SYTL2: variants seen among roughly 807,000 people sequenced by gnomAD.
SYTL2 encodes synaptotagmin-like protein 2.
Under a neutral mutation model 198.7 loss-of-function variants are expected in SYTL2, and 165 were observed. The observed-to-expected ratio is 0.83, with a 90% CI of 0.73 to 0.94. SYTL2 has a LOEUF of 0.94. Among genes scored for constraint, SYTL2 ranks in the 40% least tolerant of loss-of-function variants. The pLI is 0.00. For missense variants in SYTL2, 2,835 were observed against 2,582.8 expected, an observed-to-expected ratio of 1.10 and a Z score of -2.12; for synonymous variants, 966 against 917.7, an observed-to-expected ratio of 1.05 and a Z score of -0.95.
chr11:85,742,551 C>G (rs559785633), intron 4 of SYTL2, among the ~76,000 whole-genome samples: 1 of 152,178 alleles, frequency 6.6e-6, no homozygotes, highest in East Asian at 1.9e-4. Context: ...GCACTGTTTG[C>G]CACTGGTTCA....
intron 1 of SYTL2, among the ~76,000 whole-genome samples, chr11:85,795,529 T>C (rs186151821): frequency 1.2e-4 from 19 of 152,312 alleles, no homozygotes; most frequent in Admixed American, 3.3e-4. Context: ...TTCACTGTAT[T>C]TTCTAGAGCC....
chr11:85,696,486 A>G, intron 18 of SYTL2, 98 bp from the exon 19 acceptor site: 2 of 1,018,106 alleles, frequency 2.0e-6, no homozygotes, highest in Admixed American at 3.8e-5. Context: ...TTGACAATGG[A>G]GGAAAAGATG....
intron 7 of SYTL2, among the ~76,000 whole-genome samples, chr11:85,728,318 G>A (rs867139661): frequency 2.0e-5 from 3 of 151,882 alleles, no homozygotes; most frequent in South Asian, 2.1e-4. Flanking sequence ...ATGGAGTCTC[G>A]CTCTGTTGCC....
chr11:85,763,422 T>C (rs1252537705), intron 1 of SYTL2, among the ~76,000 whole-genome samples: 1 of 152,228 alleles, frequency 6.6e-6, no homozygotes, highest in Non-Finnish European at 1.5e-5. Context: ...TTGCCTTTGA[T>C]AGGCAGCAAA....
At chr11:85,789,350 A>ATATATATATATATATATG (rs1566025987) in intron 1 of SYTL2, among the ~76,000 whole-genome samples, 49 of 38,236 alleles carry the variant, frequency 1.3e-3, no homozygotes, top group Non-Finnish European at 2.2e-3. Context: ...GTATATATAT[A>ATATATATATATATATATG]TATATATATA....
intron 9 of SYTL2, among the ~76,000 whole-genome samples, chr11:85,720,183 C>T (rs2088077515): frequency 6.6e-6 from 1 of 152,116 alleles, no homozygotes; most frequent in African/African-American, 2.4e-5. Context: ...CTTATAGTTC[C>T]AGTATCTAGA....
At chr11:85,756,584 A>G (rs562206593) in intron 2 of SYTL2, among the ~76,000 whole-genome samples, 5 of 152,208 alleles carry the variant, frequency 3.3e-5, no homozygotes, top group Non-Finnish European at 7.3e-5. Context: ...CAAATGGGGT[A>G]ATTATATCCC....
chr11:85,739,656 A>G (rs778214343), intron 4 of SYTL2, among the ~76,000 whole-genome samples: 4 of 152,120 alleles, frequency 2.6e-5, no homozygotes, highest in Admixed American at 1.3e-4. Flanking sequence ...CTTATTCTCA[A>G]TTGATCCTTG....
chr11:85,726,763 T>C lies in SYTL2; in HGVS notation c.2595A>G (p.Ala865=), dbSNP rs1051301959. The change falls in exon 8 of 20, where the codon GCA becomes GCG. Residue 865 remains alanine (A), a synonymous_variant. Coordinates refer to ENST00000359152, the MANE Select transcript of SYTL2 (RefSeq NM_206927.4). ...AGGAATAAGAATTGGAGAGCTGGGA[T>C]GCTTGATCATCCTCATCTAAGACCA... The part of the protein sequence containing the change: ...KRVVLDEDDQ[A]SQLSNSYSSN... 6.5e-7 allele frequency: 1 copy of C among 1,536,236 alleles called. No individual in the cohort carries two copies. The highest frequency in any genetic ancestry group is 1.4e-5 in the African/African-American group (1 of 73,170).
At chr11:85,830,286 A>G in the SYTL2 span, among the ~76,000 whole-genome samples, 1 of 152,208 alleles carries the variant, frequency 6.6e-6, no homozygotes. Flanking sequence ...CCAATGGTCT[A>G]CTGGATACCA....
At chr11:85,792,745 A>G (rs887005045) in intron 1 of SYTL2, among the ~76,000 whole-genome samples, 15 of 151,820 alleles carry the variant, frequency 9.9e-5, no homozygotes, top group African/African-American at 3.6e-4. Context: ...GTCATTTAGC[A>G]TTAGGTAGAT....
At chr11:85,745,799 A>G in intron 3 of SYTL2, 27 bp from the exon 4 acceptor site, 1 of 1,595,322 alleles carries the variant, frequency 6.3e-7, no homozygotes, top group South Asian at 1.1e-5. Context: ...TAAAGACAGG[A>G]AGGTTATCTC....
At position 85,784,626 on chromosome 11, in the gene SYTL2, T is replaced by C. The variant is rs1039534333; in HGVS notation, c.-390+26328A>G. Among the ~76,000 whole-genome samples the C allele has an allele frequency of 5.9e-5, 9 of 152,202 alleles. 1 individual carries two copies. In the South Asian group the frequency reaches 8.3e-4, roughly 14 times the overall value. On this transcript the variant is annotated intron_variant, in intron 1 of 19. Coordinates refer to ENST00000359152, the MANE Select transcript of SYTL2 (RefSeq NM_206927.4). The stretch of plus-strand genomic sequence containing the variant: ...ATAATTATATTATTCTCTAACATAA[T>C]GGCTTTCAAATGCCACTACTATTTA...
chr11:85,752,943 A>AAAC (rs2091619924), intron 2 of SYTL2, among the ~76,000 whole-genome samples: 1 of 143,110 alleles, frequency 7.0e-6, no homozygotes, highest in African/African-American at 2.7e-5. Flanking sequence ...AAAAAAAAAA[A>AAAC]AAAAAAAACA....
At chr11:85,785,360 C>A (rs545595121) in intron 1 of SYTL2, among the ~76,000 whole-genome samples, 2 of 152,298 alleles carry the variant, frequency 1.3e-5, no homozygotes, top group South Asian at 2.1e-4. Flanking sequence ...CAGAAATGAA[C>A]CCCCGTCAGG....
At chr11:85,835,768 T>A in the SYTL2 span, among the ~76,000 whole-genome samples, 2 of 152,200 alleles carry the variant, frequency 1.3e-5, no homozygotes, top group African/African-American at 4.8e-5. Context: ...CAAATGTCAG[T>A]ATGTAGACGT....
At chr11:85,788,086 T>TG (rs1465935564) in intron 1 of SYTL2, among the ~76,000 whole-genome samples, 2 of 152,172 alleles carry the variant, frequency 1.3e-5, no homozygotes, top group Non-Finnish European at 2.9e-5. Flanking sequence ...TGCTTACCCA[T>TG]GGGGCAGGGA....
the SYTL2 span, among the ~76,000 whole-genome samples, chr11:85,829,929 C>G: frequency 2.6e-5 from 4 of 152,182 alleles, no homozygotes; most frequent in African/African-American, 4.8e-5. Flanking sequence ...CAGCAGTACA[C>G]TAATCCAAAC....
the SYTL2 span, among the ~76,000 whole-genome samples, chr11:85,816,695 A>T: frequency 6.6e-6 from 1 of 152,210 alleles, no homozygotes; most frequent in East Asian, 1.9e-4. Context: ...AGAACGCTTG[A>T]GCACAGGAGT....
Sources: gnomAD v4.1 joint callset for allele counts (sites outside exome capture counted in the v4.1 genomes callset) on GRCh38, gnomAD v4.1.1 for gene constraint, MANE v1.5 for transcripts, NCBI Gene and HGNC (gene_info 2026-07-23, HGNC 2026-07-21) for gene names.